The following HAO2 variants were observed in gnomAD, a reference collection of about 807,000 sequenced individuals.
HAO2 encodes hydroxyacid oxidase 2.
Under a neutral mutation model 37.4 loss-of-function variants are expected in HAO2, and 42 were observed. That is an observed-to-expected ratio of 1.12 (90% CI 0.88 to 1.45). HAO2 has a LOEUF of 1.45. Ranked by LOEUF, HAO2 falls within the 40% of genes most tolerant of loss-of-function variation. The probability of loss-of-function intolerance (pLI) is 0.00; values close to 1 mark genes in which losing one functional copy is unlikely to be tolerated. For missense variants in HAO2, 476 were observed against 430.2 expected, an observed-to-expected ratio of 1.11 and a Z score of -0.94; for synonymous variants, 180 against 162.8, an observed-to-expected ratio of 1.11 and a Z score of -0.81.
At chr1:119,383,731 G>A (rs139438765) in intron 3 of HAO2, among the ~76,000 whole-genome samples, 29 of 151,982 alleles carry the variant, frequency 1.9e-4, no homozygotes, top group East Asian at 1.7e-3. Context: ...GGACTCTTTC[G>A]TAATCTTCAC....
At chr1:119,392,592 T>A (rs771362691) in intron 6 of HAO2, 26 bp from the exon 7 acceptor site, 3 of 1,504,276 alleles carry the variant, frequency 2.0e-6, no homozygotes, top group Non-Finnish European at 2.8e-6. Flanking sequence ...TCTCTTTGTG[T>A]CTCTGTCTGT....
At chr1:119,388,386 T>G (rs72991410) in intron 5 of HAO2, among the ~76,000 whole-genome samples, 5,983 of 152,270 alleles carry the variant, frequency 0.039, 367 homozygotes, top group African/African-American at 0.13. Context: ...TCTTTTGGAA[T>G]AACTGAGTAA....
chr1:119,393,714 C>A (rs1651094999), intron 7 of HAO2, 71 bp from the exon 8 acceptor site: 4 of 1,250,220 alleles, frequency 3.2e-6, no homozygotes, highest in African/African-American at 1.5e-5. Flanking sequence ...CCCTTCATCA[C>A]CCCTTACCCA....
intron 1 of HAO2, among the ~76,000 whole-genome samples, chr1:119,375,443 T>C (rs1416921890): frequency 2.0e-5 from 3 of 152,028 alleles, no homozygotes; most frequent in Non-Finnish European, 4.4e-5. Flanking sequence ...TAAAAATATA[T>C]AATTGTATTT....
At chr1:119,374,292 T>C (rs774602813) in intron 1 of HAO2, among the ~76,000 whole-genome samples, 5 of 152,180 alleles carry the variant, frequency 3.3e-5, no homozygotes, top group Non-Finnish European at 7.4e-5. Flanking sequence ...TCTGGGACCC[T>C]TCTCCTCTCC....
chr1:119,383,411 C>G (rs1349566802), intron 3 of HAO2, among the ~76,000 whole-genome samples: 1 of 152,204 alleles, frequency 6.6e-6, no homozygotes, highest in Non-Finnish European at 1.5e-5. Context: ...CTAGGGCCCT[C>G]TTTGGCCCCT....
chr1:119,394,068 C>G lies in HAO2; in HGVS notation c.*228C>G, dbSNP rs1651139118. On this transcript the variant is annotated 3_prime_UTR_variant, in exon 8 of 8. Coordinates refer to ENST00000325945, the MANE Select transcript of HAO2 (RefSeq NM_016527.4). ...GTATCACTGACTATTATATGTTGCTCTCTTGCCTAAATCTTCCTCTGAAGT... is the reference window on the plus strand; with the variant it reads ...GTATCACTGACTATTATATGTTGCTGTCTTGCCTAAATCTTCCTCTGAAGT... 1.5e-6 allele frequency: 2 copies of G among 1,330,240 alleles called. No homozygotes were observed. The highest frequency in any genetic ancestry group is 3.5e-5 in the South Asian group (2 of 57,228). 82.4% of individuals were successfully genotyped at this position (1,330,240 alleles called of 1,614,324 possible).
At chr1:119,375,651 T>C (rs1649395457) in intron 1 of HAO2, among the ~76,000 whole-genome samples, 1 of 152,132 alleles carries the variant, frequency 6.6e-6, no homozygotes, top group Non-Finnish European at 1.5e-5. Context: ...AAGAAATACC[T>C]GAGACTGGGT....
At chr1:119,392,462 T>G in intron 6 of HAO2, 156 bp from the exon 7 acceptor site, 2 of 721,772 alleles carry the variant, frequency 2.8e-6, no homozygotes, top group Non-Finnish European at 4.8e-6. Flanking sequence ...TATCTTTGTC[T>G]CTGTGCTTTC....
chr1:119,383,175 T>C, intron 3 of HAO2, 109 bp downstream of exon 3: 1 of 705,704 alleles, frequency 1.4e-6, no homozygotes, highest in Non-Finnish European at 2.4e-6. Context: ...CATAATCTGG[T>C]TAACACTAAG....
At position 119,393,980 on chromosome 1, in the gene HAO2, A is replaced by G; in HGVS notation, c.*140A>G. The G allele has an allele frequency of 6.6e-7, 1 of 1,511,450 alleles. No homozygotes were observed. Among genetic ancestry groups the G allele is most frequent in the Non-Finnish European group, 8.9e-7 (1 of 1,121,824 alleles). The allele number at this position is 1,511,450 out of a possible 1,614,324, so 93.6% of individuals were successfully genotyped here. ...CCATATTTCCCACATTTCTAATACCACCACCCCTGTGCTTCAGGCCCTCCA... is the reference window on the plus strand; with the variant it reads ...CCATATTTCCCACATTTCTAATACCGCCACCCCTGTGCTTCAGGCCCTCCA... On this transcript the variant is annotated 3_prime_UTR_variant, in exon 8 of 8. Coordinates refer to ENST00000325945, the MANE Select transcript of HAO2 (RefSeq NM_016527.4).
intron 3 of HAO2, 134 bp downstream of exon 3, chr1:119,383,200 G>T: frequency 1.7e-6 from 1 of 598,936 alleles, no homozygotes; most frequent in East Asian, 2.8e-5. Flanking sequence ...GCAGGAAAGG[G>T]AATGCTTAAA....
intron 1 of HAO2, among the ~76,000 whole-genome samples, chr1:119,374,879 C>G (rs987616823): frequency 6.6e-6 from 1 of 152,224 alleles, no homozygotes; most frequent in East Asian, 1.9e-4. Flanking sequence ...CTTCCTTCCT[C>G]CTTCCCTCAG....
chr1:119,375,843 C>A (rs1432564410), intron 1 of HAO2, among the ~76,000 whole-genome samples: 1 of 152,102 alleles, frequency 6.6e-6, no homozygotes, highest in Non-Finnish European at 1.5e-5. Flanking sequence ...TTTTCACTAT[C>A]ATGAGAACAG....
Position 119,391,262 on chromosome 1 carries a change from C to A in HAO2, c.772-848C>A, listed in dbSNP as rs587686473. ...CTTCTCAGGCCATCCCTCAGAGAAG[C>A]ACAGACAAAAACCCTGAGGGTGTTC... is the stretch of plus-strand genomic sequence containing the variant. On this transcript the variant is annotated intron_variant, in intron 5 of 7. Transcript: ENST00000325945. 4.6e-5 allele frequency among the ~76,000 whole-genome samples: 7 copies of A among 152,240 alleles called. No individual in the cohort carries two copies. In the East Asian group the frequency reaches 1.2e-3, roughly 25 times the overall value.
intron 1 of HAO2, chr1:119,380,462 A>C (rs775934632): frequency 2.2e-6 from 1 of 460,690 alleles, no homozygotes; most frequent in Non-Finnish European, 3.9e-6. Flanking sequence ...AGAATTACAA[A>C]GTAAACTTTG....
chr1:119,376,487 C>T (rs934013081), intron 1 of HAO2, among the ~76,000 whole-genome samples: 1 of 152,192 alleles, frequency 6.6e-6, no homozygotes, highest in Admixed American at 6.5e-5. Context: ...GTGGATCTAC[C>T]ATTCTGGAGT....
chr1:119,373,128 G>A (rs1649167529), intron 1 of HAO2, among the ~76,000 whole-genome samples: 1 of 152,218 alleles, frequency 6.6e-6, no homozygotes, highest in African/African-American at 2.4e-5. Context: ...CTCTCAGGCT[G>A]CCACACACAC....
intron 5 of HAO2, among the ~76,000 whole-genome samples, chr1:119,390,585 T>G (rs889688488): frequency 6.6e-6 from 1 of 152,210 alleles, no homozygotes; most frequent in Non-Finnish European, 1.5e-5. Flanking sequence ...AGAAATACAT[T>G]TGTACAAACT....
Sources: gnomAD v4.1 joint callset for allele counts (sites outside exome capture counted in the v4.1 genomes callset) on GRCh38, gnomAD v4.1.1 for gene constraint, MANE v1.5 for transcripts, NCBI Gene and HGNC (gene_info 2026-07-23, HGNC 2026-07-21) for gene names.